RTL4: variants seen among roughly 807,000 people sequenced by gnomAD.
RTL4 encodes retrotransposon Gag-like protein 4.
Under a neutral mutation model 5.3 loss-of-function variants are expected in RTL4, and 4 were observed. The observed-to-expected ratio is 0.75, with a 90% CI of 0.37 to 1.72. RTL4 has a LOEUF of 1.72. RTL4 is among the 40% of genes most tolerant of loss of function. The pLI is 0.04. For synonymous variants in RTL4, 98 were observed against 87.3 expected (o/e 1.12, Z -0.68); for missense variants, 260 against 227.1 (o/e 1.14, Z -0.93).
At chrX:112,189,250 AAAAG>A in the RTL4 span, among the ~76,000 whole-genome samples, 1 of 111,350 alleles carries the variant, frequency 9.0e-6, no homozygotes, top group African/African-American at 3.3e-5. Flanking sequence ...AGGAAAGAGA[AAAAG>A]AAACCCTGAA....
chrX:112,393,147 CTTT>C, the RTL4 span, among the ~76,000 whole-genome samples: 2 of 81,490 alleles, frequency 2.5e-5, no homozygotes, highest in Non-Finnish European at 4.6e-5. Context: ...TTCTTTCTTT[CTTT>C]TTTTTTTTTT....
chrX:112,455,617 C>T lies in RTL4; in HGVS notation c.889C>T (p.Arg297Cys), dbSNP rs765445404. ...CTTCACAAGAGATTGCCTTGCCAAA[C>T]GTTCTCGAGCTCCGGCAACGACAAA... Residue 297 changes from arginine (R) to cysteine (C), a missense_variant, in exon 1 of 1, where the codon CGT (arginine) becomes TGT (cysteine). Arg to Cys is a radical substitution (Grantham distance 180). Coordinates refer to ENST00000340433, the Ensembl canonical transcript of RTL4. 33 of 1,208,368 alleles carry T rather than the reference C, an allele frequency of 2.7e-5. No individual in the cohort carries two copies. The highest frequency in any genetic ancestry group is 3.5e-5 in the South Asian group (2 of 56,586).
At chrX:112,142,291 T>C in the RTL4 span, among the ~76,000 whole-genome samples, 3 of 112,486 alleles carry the variant, frequency 2.7e-5, no homozygotes, top group African/African-American at 9.7e-5. Flanking sequence ...GCAGACTACA[T>C]TGCATGACAG....
At chrX:112,214,177 C>G in the RTL4 span, among the ~76,000 whole-genome samples, 1 of 111,470 alleles carries the variant, frequency 9.0e-6, no homozygotes, top group African/African-American at 3.3e-5. Flanking sequence ...CTCAATTTCC[C>G]CCTCAGCCTC....
the RTL4 span, among the ~76,000 whole-genome samples, chrX:112,276,273 A>G: frequency 8.9e-6 from 1 of 111,849 alleles, no homozygotes; most frequent in African/African-American, 3.3e-5. Context: ...TTGATGTTGA[A>G]AAGCCACCAA....
the RTL4 span, among the ~76,000 whole-genome samples, chrX:112,400,095 C>A: frequency 9.0e-6 from 1 of 110,596 alleles, no homozygotes; most frequent in East Asian, 2.8e-4. Flanking sequence ...GGTTTTTGAG[C>A]TTCTTATATC....
At chrX:112,092,023 A>T in the RTL4 span, among the ~76,000 whole-genome samples, 2 of 111,322 alleles carry the variant, frequency 1.8e-5, no homozygotes, top group African/African-American at 6.5e-5. Context: ...ATTTTGTAAG[A>T]TATTATTATA....
chrX:112,443,754 C>T, the RTL4 span, among the ~76,000 whole-genome samples: 4 of 111,947 alleles, frequency 3.6e-5, no homozygotes, highest in East Asian at 2.8e-4. Flanking sequence ...GACATCTATT[C>T]GAATCTTTTG....
At chrX:112,182,219 G>A in the RTL4 span, among the ~76,000 whole-genome samples, 1 of 111,923 alleles carries the variant, frequency 8.9e-6, no homozygotes, top group South Asian at 3.8e-4. Flanking sequence ...AATCCAGGAA[G>A]ATGAGGAAAA....
chrX:112,169,234 C>T, the RTL4 span, among the ~76,000 whole-genome samples: 1 of 108,897 alleles, frequency 9.2e-6, no homozygotes, highest in Non-Finnish European at 1.9e-5. Context: ...CCTGCCTCAG[C>T]CTCTCTAGTA....
the RTL4 span, among the ~76,000 whole-genome samples, chrX:112,145,804 G>C: frequency 1.2e-4 from 13 of 111,478 alleles, no homozygotes; most frequent in African/African-American, 4.2e-4. Context: ...ACTGAGACCT[G>C]AATGATGAGA....
chrX:112,212,187 G>T, the RTL4 span, among the ~76,000 whole-genome samples: 11 of 111,221 alleles, frequency 9.9e-5, no homozygotes, highest in East Asian at 2.9e-4. Context: ...CCATCCTGGC[G>T]AACACGGTGA....
the RTL4 span, among the ~76,000 whole-genome samples, chrX:112,255,072 T>C: frequency 1.8e-5 from 2 of 111,734 alleles, no homozygotes; most frequent in African/African-American, 3.3e-5. Context: ...GCAAAATACC[T>C]CAATGACAAT....
the RTL4 span, among the ~76,000 whole-genome samples, chrX:112,295,386 T>C: frequency 2.7e-5 from 3 of 112,275 alleles, no homozygotes; most frequent in African/African-American, 9.7e-5. Flanking sequence ...AGGTTCCTTT[T>C]ACCACTCCCA....
chrX:112,294,315 G>A, the RTL4 span, among the ~76,000 whole-genome samples: 5 of 111,146 alleles, frequency 4.5e-5, no homozygotes, highest in African/African-American at 1.6e-4. Flanking sequence ...TATCAACCAA[G>A]GCCAGGCGCG....
chrX:112,200,692 A>G, the RTL4 span, among the ~76,000 whole-genome samples: 1 of 112,088 alleles, frequency 8.9e-6, no homozygotes, highest in Admixed American at 9.5e-5. Flanking sequence ...TAGTGAGGTG[A>G]TCCTGAGTTA....
At chrX:112,334,052 A>C in the RTL4 span, among the ~76,000 whole-genome samples, 1 of 110,339 alleles carries the variant, frequency 9.1e-6, no homozygotes, top group African/African-American at 3.3e-5. Flanking sequence ...AGAACATGAA[A>C]TGTTTGTCTT....
chrX:112,298,531 T>A, the RTL4 span, among the ~76,000 whole-genome samples: 1 of 112,457 alleles, frequency 8.9e-6, no homozygotes, highest in African/African-American at 3.2e-5. Flanking sequence ...GGGTTCTTAT[T>A]CTTGAGATTT....
chrX:112,085,005 C>A, the RTL4 span, among the ~76,000 whole-genome samples: 3 of 112,451 alleles, frequency 2.7e-5, no homozygotes, highest in Non-Finnish European at 5.6e-5. Context: ...CATACAAATG[C>A]CAGGCATTAC....
Sources: gnomAD v4.1 joint callset for allele counts (sites outside exome capture counted in the v4.1 genomes callset) on GRCh38, gnomAD v4.1.1 for gene constraint, MANE v1.5 for transcripts, NCBI Gene and HGNC (gene_info 2026-07-23, HGNC 2026-07-21) for gene names.